HSPA12A: variants seen among roughly 807,000 people sequenced by gnomAD.
HSPA12A encodes the protein heat shock protein family A (Hsp70) member 12A.
In HSPA12A, 28 loss-of-function variants were observed where a neutral mutation model predicts 69.2. That is an observed-to-expected ratio of 0.40 (90% CI 0.30 to 0.55). HSPA12A has a LOEUF of 0.55. HSPA12A is among the 20% of genes least tolerant of loss of function. The probability of loss-of-function intolerance (pLI) is 0.38; values close to 1 mark genes in which losing one functional copy is unlikely to be tolerated. For synonymous variants in HSPA12A, 345 were observed against 370.5 expected (o/e 0.93, Z 0.79); for missense variants, 686 against 900.7 (o/e 0.76, Z 3.05).
chr10:116,807,030 T>A (rs1845083416), intron 2 of HSPA12A, among the ~76,000 whole-genome samples: 1 of 152,006 alleles, frequency 6.6e-6, no homozygotes, highest in Non-Finnish European at 1.5e-5. Context: ...GAGACTGGAG[T>A]GATGCAGACG....
chr10:116,735,837 A>T (rs1229758463), intron 1 of HSPA12A, among the ~76,000 whole-genome samples: 4 of 82,568 alleles, frequency 4.8e-5, no homozygotes, highest in Non-Finnish European at 1.1e-4. Flanking sequence ...TCCCTATTTA[A>T]AAAAAAAAAA....
intron 1 of HSPA12A, among the ~76,000 whole-genome samples, chr10:116,730,681 T>C (rs546355638): frequency 4.5e-4 from 68 of 152,368 alleles, no homozygotes; most frequent in African/African-American, 1.6e-3. Context: ...CCTGGGTGAC[T>C]CCTTCCCCAG....
intron 2 of HSPA12A, among the ~76,000 whole-genome samples, chr10:116,811,213 A>G (rs776185744): frequency 3.3e-5 from 5 of 152,150 alleles, no homozygotes; most frequent in Admixed American, 1.3e-4. Flanking sequence ...CTCTTCCAGA[A>G]ACAGAAACAC....
rs12244126 is a variant in HSPA12A, at chr10:116,767,474, G to A, written c.92-60189C>T. 6.8e-3 allele frequency among the ~76,000 whole-genome samples: 1,031 copies of A among 152,294 alleles called. 7 individuals carry two copies. Among genetic ancestry groups the A allele is most frequent in the African/African-American group, 0.023 (936 of 41,564 alleles). On this transcript the variant is annotated intron_variant, in intron 2 of 12. Coordinates refer to the HSPA12A transcript ENST00000635765. Reference sequence around the variant, plus strand: ...GGTGGAGGCTTGGCCCTGGGGCCTCGGGAGCCTCCCCAACATTATCTCCCG... The same window carrying A: ...GGTGGAGGCTTGGCCCTGGGGCCTCAGGAGCCTCCCCAACATTATCTCCCG...
chr10:116,804,069 G>A (rs1488354811), intron 2 of HSPA12A, among the ~76,000 whole-genome samples: 1 of 152,088 alleles, frequency 6.6e-6, no homozygotes, highest in Non-Finnish European at 1.5e-5. Flanking sequence ...GCCCCTCTGT[G>A]CAGCTCCCTA....
intron 2 of HSPA12A, among the ~76,000 whole-genome samples, chr10:116,779,517 C>T (rs377021641): frequency 6.6e-6 from 1 of 152,168 alleles, no homozygotes; most frequent in Non-Finnish European, 1.5e-5. Context: ...AGGGCAGTGA[C>T]ACTCTGCCTG....
chr10:116,819,406 C>T (rs1845368621), intron 2 of HSPA12A, among the ~76,000 whole-genome samples: 1 of 152,156 alleles, frequency 6.6e-6, no homozygotes, highest in African/African-American at 2.4e-5. Flanking sequence ...AAATCTAATT[C>T]CCAGTGTGCT....
At chr10:116,774,588 C>G (rs1359480367) in intron 2 of HSPA12A, among the ~76,000 whole-genome samples, 1 of 152,340 alleles carries the variant, frequency 6.6e-6, no homozygotes, top group East Asian at 1.9e-4. Context: ...GGTCTCTTCA[C>G]AGACGTGGCT....
intron 10 of HSPA12A, 134 bp from the exon 11 acceptor site, chr10:116,676,636 C>T: frequency 2.9e-6 from 2 of 681,024 alleles, no homozygotes; most frequent in East Asian, 2.7e-5. Flanking sequence ...AAGCCAAAAG[C>T]ACCTTTGGAA....
chr10:116,763,447 T>C (rs1008781304), intron 2 of HSPA12A, among the ~76,000 whole-genome samples: 83 of 152,340 alleles, frequency 5.4e-4, no homozygotes, highest in African/African-American at 2.0e-3. Context: ...CTGCTCACAT[T>C]CTGATAGTAG....
At chr10:116,838,736 G>C (rs898241918) in intron 1 of HSPA12A, among the ~76,000 whole-genome samples, 1 of 152,068 alleles carries the variant, frequency 6.6e-6, no homozygotes, top group Non-Finnish European at 1.5e-5. Context: ...AAAGATGCTG[G>C]GGCTTGCTTT....
intron 1 of HSPA12A, among the ~76,000 whole-genome samples, chr10:116,845,421 C>T (rs1306147426): frequency 6.6e-6 from 1 of 152,078 alleles, no homozygotes; most frequent in Admixed American, 6.6e-5. Context: ...TTTCTCATTC[C>T]CAGACAAGTG....
At chr10:116,790,905 G>A (rs531356147) in intron 2 of HSPA12A, among the ~76,000 whole-genome samples, 2 of 152,266 alleles carry the variant, frequency 1.3e-5, no homozygotes, top group African/African-American at 4.8e-5. Context: ...TAGCCATGCT[G>A]GTCTCGAACT....
intron 7 of HSPA12A, among the ~76,000 whole-genome samples, chr10:116,682,867 A>ATTTTTTTTTTTTTTTTTTTTT (rs60393392): frequency 8.5e-6 from 1 of 117,728 alleles, no homozygotes; most frequent in African/African-American, 3.5e-5. Flanking sequence ...CGCCCGGCTA[A>ATTTTTTTTTTTTTTTTTTTTT]TTTTTTTTTT....
intron 2 of HSPA12A, among the ~76,000 whole-genome samples, chr10:116,814,647 C>A (rs1403213766): frequency 2.6e-5 from 4 of 152,158 alleles, no homozygotes. Context: ...AGTGGAAAGG[C>A]CAGACCAGGA....
Position 116,750,391 on chromosome 10 carries a change from A to AGG in HSPA12A, c.92-43108_92-43107dup. The AGG allele has an allele frequency of 4.2e-6, 3 of 708,198 alleles. No homozygotes were observed. The East Asian group carries it at 7.9e-5, about 19-fold the overall frequency. 43.9% of individuals were successfully genotyped at this position (708,198 alleles called of 1,614,324 possible). A position where few individuals can be genotyped will look rare whatever the true frequency, so the allele number is the denominator to read the frequency against. On this transcript the variant is annotated intron_variant, in intron 2 of 12. Coordinates refer to the HSPA12A transcript ENST00000635765. Reference sequence around the variant, plus strand: ...GCAATAAAGTCTTGGGGGGCCTTGAAGGGAGCACAGATGGAGGCTTGTCTA... The same window carrying AGG: ...GCAATAAAGTCTTGGGGGGCCTTGAAGGGGGAGCACAGATGGAGGCTTGTCTA...
intron 10 of HSPA12A, among the ~76,000 whole-genome samples, chr10:116,678,529 G>A (rs1012677651): frequency 7.5e-5 from 11 of 146,396 alleles, no homozygotes; most frequent in Middle Eastern, 3.5e-3. Context: ...AGTGGGACTC[G>A]AGGGGCGTAT....
chr10:116,672,996 T>A lies in HSPA12A; in HGVS notation c.*1785A>T, dbSNP rs781942563. ...AGACATGGTCAAATGAAATGTGAAA[T>A]GCTGTTTAAAATCTGCATATTGGCT... On this transcript the variant is annotated 3_prime_UTR_variant, in exon 12 of 12. Coordinates refer to ENST00000369209, the MANE Select transcript of HSPA12A (RefSeq NM_025015.3). The A allele has an allele frequency of 2.0e-5, 3 of 152,656 alleles. No homozygotes were observed. The highest frequency in any genetic ancestry group is 4.4e-5 in the Non-Finnish European group (3 of 68,034). 9.5% of individuals were successfully genotyped at this position (152,656 alleles called of 1,614,324 possible). A position where few individuals can be genotyped will look rare whatever the true frequency, so the allele number is the denominator to read the frequency against.
At chr10:116,792,321 G>T (rs3125623) in intron 2 of HSPA12A, among the ~76,000 whole-genome samples, 1 of 146,346 alleles carries the variant, frequency 6.8e-6, no homozygotes, top group Non-Finnish European at 1.5e-5. Flanking sequence ...TGTGAAAGGA[G>T]GTTAAGAGAC....
Sources: gnomAD v4.1 joint callset for allele counts (sites outside exome capture counted in the v4.1 genomes callset) on GRCh38, gnomAD v4.1.1 for gene constraint, MANE v1.5 for transcripts, NCBI Gene and HGNC (gene_info 2026-07-23, HGNC 2026-07-21) for gene names.